NEGR1: variants seen among roughly 807,000 people sequenced by gnomAD.
NEGR1 encodes IgLON family member 4.
NEGR1 carries 10 observed loss-of-function variants against 40.9 expected under a neutral mutation model. The observed-to-expected ratio is 0.24, with a 90% CI of 0.15 to 0.42. The LOEUF (loss-of-function observed/expected upper bound fraction) is 0.42. Ranked by LOEUF, NEGR1 falls within the 10% of genes least tolerant of loss-of-function variation. The pLI, the probability that NEGR1 is intolerant of heterozygous loss-of-function variation, is 1.00. For synonymous variants in NEGR1, 185 were observed against 166.8 expected (o/e 1.11, Z -0.84); for missense variants, 352 against 438.9 (o/e 0.80, Z 1.77).
intron 4 of NEGR1, among the ~76,000 whole-genome samples, chr1:71,618,756 T>G (rs569056420): frequency 6.6e-6 from 1 of 152,272 alleles, no homozygotes; most frequent in Admixed American, 6.5e-5. Flanking sequence ...AAAAATTGTC[T>G]TCCAAAAAAC....
intron 4 of NEGR1, among the ~76,000 whole-genome samples, chr1:71,678,551 C>A (rs537964635): frequency 6.6e-6 from 1 of 152,144 alleles, no homozygotes; most frequent in African/African-American, 2.4e-5. Context: ...GCAGGTCCAC[C>A]CAGAGCAAGT....
intron 6 of NEGR1, among the ~76,000 whole-genome samples, chr1:71,528,725 A>G (rs1569990158): frequency 6.6e-6 from 1 of 151,266 alleles, no homozygotes; most frequent in Non-Finnish European, 1.5e-5. Context: ...TGAGGCAAAC[A>G]TTTGATGATA....
At chr1:71,758,322 C>T (rs1490033454) in intron 3 of NEGR1, among the ~76,000 whole-genome samples, 2 of 152,084 alleles carry the variant, frequency 1.3e-5, no homozygotes, top group African/African-American at 2.4e-5. Context: ...TAATCAGATA[C>T]ATTTATTAGT....
chr1:71,897,831 A>C (rs1249235344), intron 2 of NEGR1, among the ~76,000 whole-genome samples: 4 of 152,210 alleles, frequency 2.6e-5, no homozygotes, highest in African/African-American at 9.6e-5. Flanking sequence ...CTTATCTAGA[A>C]GCGCAGGCAT....
intron 1 of NEGR1, among the ~76,000 whole-genome samples, chr1:72,126,268 C>T (rs1650020693): frequency 6.6e-6 from 1 of 151,996 alleles, no homozygotes; most frequent in South Asian, 2.1e-4. Context: ...CCAAGAACAT[C>T]TTTTTGCATT....
chr1:71,486,201 G>A (rs1170049400), intron 6 of NEGR1, among the ~76,000 whole-genome samples: 2 of 151,600 alleles, frequency 1.3e-5, no homozygotes, highest in African/African-American at 4.8e-5. Flanking sequence ...GATGCCATAT[G>A]ATGTGGAACA....
At chr1:71,559,105 A>T (rs1239446764) in intron 6 of NEGR1, among the ~76,000 whole-genome samples, 1 of 149,074 alleles carries the variant, frequency 6.7e-6, no homozygotes, top group South Asian at 2.1e-4. Flanking sequence ...CTTCATATTC[A>T]TATCTCCAAC....
At position 71,606,828 on chromosome 1, in the gene NEGR1, G is replaced by T. The variant is rs535614109; in HGVS notation, c.788+4198C>A. ...TAATTTTACCATCCTTCTTTTAAGG[G>T]GTTTTAAGCTGATTGCTCTTAGCAC... On this transcript the variant is annotated intron_variant, in intron 5 of 6. Coordinates refer to ENST00000357731, the MANE Select transcript of NEGR1 (RefSeq NM_173808.3). Among the ~76,000 whole-genome samples the T allele has an allele frequency of 3.3e-5, 5 of 151,832 alleles. No individual in the cohort carries two copies. The South Asian group carries it at 1.0e-3, about 32-fold the overall frequency.
intron 1 of NEGR1, among the ~76,000 whole-genome samples, chr1:71,972,738 G>C (rs1646267853): frequency 6.6e-6 from 1 of 151,960 alleles, no homozygotes; most frequent in South Asian, 2.1e-4. Flanking sequence ...TATTTATTTT[G>C]ATACAGCTGA....
chr1:71,648,586 G>A (rs1651609509), intron 4 of NEGR1, among the ~76,000 whole-genome samples: 1 of 152,004 alleles, frequency 6.6e-6, no homozygotes, highest in African/African-American at 2.4e-5. Context: ...TTTCGAACAA[G>A]ATGAGACCCT....
At chr1:71,622,295 G>C (rs953721781) in intron 4 of NEGR1, among the ~76,000 whole-genome samples, 1 of 151,910 alleles carries the variant, frequency 6.6e-6, no homozygotes, top group Non-Finnish European at 1.5e-5. Flanking sequence ...GGACAAGTTT[G>C]CAAGTATTGT....
intron 1 of NEGR1, among the ~76,000 whole-genome samples, chr1:72,130,516 G>A (rs948497108): frequency 1.3e-5 from 2 of 152,130 alleles, no homozygotes; most frequent in African/African-American, 4.8e-5. Flanking sequence ...GCTTTAAACT[G>A]ATGAACCTGG....
intron 1 of NEGR1, among the ~76,000 whole-genome samples, chr1:72,164,182 C>A (rs1651690035): frequency 6.6e-6 from 1 of 151,996 alleles, no homozygotes; most frequent in Non-Finnish European, 1.5e-5. Context: ...CTACAGTTTA[C>A]CTTGTTGTGA....
At chr1:72,099,221 C>T (rs924808197) in intron 1 of NEGR1, among the ~76,000 whole-genome samples, 3 of 151,554 alleles carry the variant, frequency 2.0e-5, no homozygotes, top group African/African-American at 4.8e-5. Flanking sequence ...TTAAAAATTC[C>T]GTGTTATCAC....
At chr1:71,916,087 A>AG (rs1298834797) in intron 2 of NEGR1, among the ~76,000 whole-genome samples, 2 of 152,052 alleles carry the variant, frequency 1.3e-5, no homozygotes, top group Non-Finnish European at 2.9e-5. Flanking sequence ...GAGAGAAGAG[A>AG]GGGGCAGAAG....
At chr1:71,838,158 T>C (rs1233434663) in intron 2 of NEGR1, among the ~76,000 whole-genome samples, 2 of 152,138 alleles carry the variant, frequency 1.3e-5, no homozygotes, top group Non-Finnish European at 1.5e-5. Flanking sequence ...AAAAGTTATT[T>C]AGAAAATCGT....
At chr1:72,020,732 T>C (rs1198544429) in intron 1 of NEGR1, among the ~76,000 whole-genome samples, 1 of 152,168 alleles carries the variant, frequency 6.6e-6, no homozygotes, top group African/African-American at 2.4e-5. Context: ...GCACTAGATA[T>C]TCATATAAGA....
intron 3 of NEGR1, among the ~76,000 whole-genome samples, chr1:71,736,420 G>A (rs976093941): frequency 9.2e-5 from 14 of 151,992 alleles, no homozygotes; most frequent in African/African-American, 3.1e-4. Flanking sequence ...CCTACTTTAC[G>A]GTTAATCATT....
chr1:72,013,083 G>T (rs1272990039), intron 1 of NEGR1, among the ~76,000 whole-genome samples: 1 of 151,784 alleles, frequency 6.6e-6, no homozygotes, highest in Non-Finnish European at 1.5e-5. Flanking sequence ...ACCCTTCAGG[G>T]GAGGGAGGAG....
Sources: gnomAD v4.1 joint callset for allele counts (sites outside exome capture counted in the v4.1 genomes callset) on GRCh38, gnomAD v4.1.1 for gene constraint, MANE v1.5 for transcripts, NCBI Gene and HGNC (gene_info 2026-07-23, HGNC 2026-07-21) for gene names.